The following GULP1 variants were observed in gnomAD, a reference collection of about 807,000 sequenced individuals.
GULP1 encodes the protein PTB domain-containing engulfment adapter protein 1.
In GULP1, 19 loss-of-function variants were observed where a neutral mutation model predicts 40.9. That is an observed-to-expected ratio of 0.46 (90% CI 0.32 to 0.68). The LOEUF (loss-of-function observed/expected upper bound fraction) is 0.68. GULP1 is among the 30% of genes least tolerant of loss of function. The pLI is 0.03. For missense variants in GULP1, 312 were observed against 362.2 expected (o/e 0.86, Z 1.12); for synonymous variants, 119 against 117.6 (o/e 1.01, Z -0.08).
intron 2 of GULP1, among the ~76,000 whole-genome samples, chr2:188,450,678 T>TA (rs1428829791): frequency 6.6e-6 from 1 of 152,076 alleles, no homozygotes; most frequent in Non-Finnish European, 1.5e-5. Context: ...TATACAATAT[T>TA]AAAAAAAGAA....
At chr2:188,431,295 A>G (rs562853669) in intron 2 of GULP1, among the ~76,000 whole-genome samples, 38 of 151,694 alleles carry the variant, frequency 2.5e-4, no homozygotes, top group African/African-American at 8.5e-4. Flanking sequence ...GAACTGGAGG[A>G]AAAAAAAAGT....
At chr2:188,394,852 T>C (rs1172126692) in intron 2 of GULP1, among the ~76,000 whole-genome samples, 5 of 152,198 alleles carry the variant, frequency 3.3e-5, no homozygotes, top group African/African-American at 1.2e-4. Context: ...TCTCAAATGC[T>C]GGTTGTTGCA....
intron 5 of GULP1, among the ~76,000 whole-genome samples, chr2:188,527,526 G>A (rs1464988932): frequency 8.2e-6 from 1 of 121,772 alleles, no homozygotes; most frequent in East Asian, 2.4e-4. Context: ...AGAGAGCTGG[G>A]ATAATTTTTA....
intron 3 of GULP1, among the ~76,000 whole-genome samples, chr2:188,482,550 A>G (rs549515530): frequency 2.0e-5 from 3 of 151,970 alleles, no homozygotes; most frequent in Non-Finnish European, 4.4e-5. Flanking sequence ...CTTACTCCAC[A>G]TAAGTGCAGA....
intron 2 of GULP1, among the ~76,000 whole-genome samples, chr2:188,467,743 CAT>C (rs1416253601): frequency 2.0e-5 from 3 of 151,896 alleles, no homozygotes; most frequent in Non-Finnish European, 4.4e-5. Flanking sequence ...GGCATATTGA[CAT>C]ATGAGATACT....
chr2:188,573,679 T>C (rs1699584463), intron 9 of GULP1, among the ~76,000 whole-genome samples: 1 of 152,122 alleles, frequency 6.6e-6, no homozygotes, highest in African/African-American at 2.4e-5. Flanking sequence ...GGACTGAGGA[T>C]TAGAGTGCTC....
chr2:188,457,552 T>A (rs1307147889), intron 2 of GULP1, among the ~76,000 whole-genome samples: 1 of 152,188 alleles, frequency 6.6e-6, no homozygotes, highest in East Asian at 1.9e-4. Flanking sequence ...CTCTTTCTCT[T>A]GTAAATTGCC....
At chr2:188,401,884 T>G (rs1010546034) in intron 2 of GULP1, among the ~76,000 whole-genome samples, 5 of 152,166 alleles carry the variant, frequency 3.3e-5, no homozygotes, top group Admixed American at 1.3e-4. Context: ...TGTAAGGTGA[T>G]TAGACATAAC....
At chr2:188,459,308 A>G (rs778994934) in intron 2 of GULP1, among the ~76,000 whole-genome samples, 1 of 152,096 alleles carries the variant, frequency 6.6e-6, no homozygotes, top group Non-Finnish European at 1.5e-5. Flanking sequence ...TTACACTTCC[A>G]CCAACAGTGT....
intron 1 of GULP1, among the ~76,000 whole-genome samples, chr2:188,352,618 T>TCTCGCACACACACACACACACA (rs578003996): frequency 2.5e-4 from 33 of 134,406 alleles, no homozygotes; most frequent in African/African-American, 9.6e-4. Context: ...TCTCTCTCTC[T>TCTCGCACACACACACACACACA]CACACACACA....
chr2:188,493,518 C>T (rs185729538), intron 4 of GULP1, among the ~76,000 whole-genome samples: 171 of 152,110 alleles, frequency 1.1e-3, no homozygotes, highest in African/African-American at 4.0e-3. Context: ...CAACTTAAAT[C>T]ACCATCCATC....
intron 1 of GULP1, among the ~76,000 whole-genome samples, chr2:188,306,190 A>G (rs2037059128): frequency 6.6e-6 from 1 of 152,164 alleles, no homozygotes; most frequent in African/African-American, 2.4e-5. Flanking sequence ...ATTGTTCAAC[A>G]TGTACTTTTC....
At chr2:188,559,166 G>A (rs972481468) in intron 7 of GULP1, among the ~76,000 whole-genome samples, 1 of 152,196 alleles carries the variant, frequency 6.6e-6, no homozygotes, top group Non-Finnish European at 1.5e-5. Context: ...AGGCCTAGGA[G>A]AAAATGGTTT....
chr2:188,363,550 G>A (rs908939899), intron 1 of GULP1, among the ~76,000 whole-genome samples: 1 of 152,086 alleles, frequency 6.6e-6, no homozygotes, highest in African/African-American at 2.4e-5. Flanking sequence ...AGCAAGGACT[G>A]GGGAAAACAG....
chr2:188,524,894 A>G (rs901388358), intron 5 of GULP1, among the ~76,000 whole-genome samples: 2 of 151,782 alleles, frequency 1.3e-5, no homozygotes, highest in Admixed American at 6.6e-5. Context: ...GTAACATTTT[A>G]TTTATATTTA....
chr2:188,413,078 T>C (rs2054120620), intron 2 of GULP1, among the ~76,000 whole-genome samples: 1 of 152,216 alleles, frequency 6.6e-6, no homozygotes, highest in African/African-American at 2.4e-5. Flanking sequence ...CTCAGGCTCT[T>C]CCGATTGAAA....
At chr2:188,348,115 T>C (rs2043941558) in intron 1 of GULP1, among the ~76,000 whole-genome samples, 1 of 152,232 alleles carries the variant, frequency 6.6e-6, no homozygotes, top group Non-Finnish European at 1.5e-5. Context: ...CATGAATTTA[T>C]AAAGCAATTG....
intron 1 of GULP1, among the ~76,000 whole-genome samples, chr2:188,357,498 A>G (rs1023966978): frequency 1.3e-5 from 2 of 152,218 alleles, no homozygotes; most frequent in Non-Finnish European, 2.9e-5. Flanking sequence ...CTATGATGAG[A>G]TGATAATTCA....
At chr2:188,555,012 T>C (rs1345306492) in intron 7 of GULP1, among the ~76,000 whole-genome samples, 1 of 152,082 alleles carries the variant, frequency 6.6e-6, no homozygotes, top group Non-Finnish European at 1.5e-5. Context: ...TCTGTCTCTT[T>C]ACTTTTAGTC....
Sources: gnomAD v4.1 joint callset for allele counts (sites outside exome capture counted in the v4.1 genomes callset) on GRCh38, gnomAD v4.1.1 for gene constraint, MANE v1.5 for transcripts, NCBI Gene and HGNC (gene_info 2026-07-23, HGNC 2026-07-21) for gene names.